Variants in HTR3B observed in about 807,000 individuals in gnomAD.
The protein encoded by HTR3B is 5-hydroxytryptamine (serotonin) receptor 3B, ionotropic.
Under a neutral mutation model 42.8 loss-of-function variants are expected in HTR3B, and 44 were observed. That is an observed-to-expected ratio of 1.03 (90% CI 0.81 to 1.32). HTR3B has a LOEUF of 1.32. HTR3B is among the 40% of genes most tolerant of loss of function. The pLI is 0.00. For synonymous variants in HTR3B, 203 were observed against 209.0 expected (o/e 0.97, Z 0.25); for missense variants, 527 against 536.5 (o/e 0.98, Z 0.17).
At chr11:113,942,098 G>A (rs951651776) in intron 6 of HTR3B, among the ~76,000 whole-genome samples, 1 of 152,116 alleles carries the variant, frequency 6.6e-6, no homozygotes, top group South Asian at 2.1e-4. Flanking sequence ...AGCCAGGCAC[G>A]GTGGCTCACA....
chr11:113,933,483 T>G (rs111804040), intron 6 of HTR3B, among the ~76,000 whole-genome samples: 1 of 150,644 alleles, frequency 6.6e-6, no homozygotes, highest in African/African-American at 2.4e-5. Flanking sequence ...ATTATTGTCC[T>G]ATTTTTTTTT....
chr11:113,945,661 C>T (rs553714967), intron 8 of HTR3B, among the ~76,000 whole-genome samples: 9 of 152,324 alleles, frequency 5.9e-5, no homozygotes, highest in East Asian at 1.9e-4. Flanking sequence ...CTCTCCTGGA[C>T]GGATCTAGCA....
At chr11:113,913,350 ATTTTTTTTTTTTTTTTT>A (rs71063533) in intron 2 of HTR3B, among the ~76,000 whole-genome samples, 16 of 61,524 alleles carry the variant, frequency 2.6e-4, no homozygotes, top group South Asian at 8.3e-4. Flanking sequence ...TGTCTGGCTA[ATTTTTTTTTTTTTTTTT>A]TTTTTTTTTT....
At chr11:113,922,436 G>A (rs915107238) in intron 2 of HTR3B, among the ~76,000 whole-genome samples, 5 of 152,092 alleles carry the variant, frequency 3.3e-5, no homozygotes, top group Admixed American at 1.3e-4. Flanking sequence ...ATTTCGCCAT[G>A]TTGCCCAGGC....
chr11:113,921,482 G>T (rs1426309965), intron 2 of HTR3B, among the ~76,000 whole-genome samples: 2 of 146,672 alleles, frequency 1.4e-5, no homozygotes, highest in African/African-American at 5.1e-5. Flanking sequence ...TGCTGGCCGG[G>T]CGTGGTGGTG....
chr11:113,915,293 T>C (rs924331156), intron 2 of HTR3B, among the ~76,000 whole-genome samples: 25 of 152,296 alleles, frequency 1.6e-4, no homozygotes, highest in African/African-American at 5.8e-4. Context: ...AGCCTCAACC[T>C]CCCATGCTCT....
intron 6 of HTR3B, among the ~76,000 whole-genome samples, chr11:113,936,874 G>C (rs1383142229): frequency 1.3e-5 from 2 of 152,230 alleles, no homozygotes; most frequent in Admixed American, 1.3e-4. Flanking sequence ...GCAATTACAG[G>C]CTAACCTTGG....
At chr11:113,918,658 A>T (rs4938058) in intron 2 of HTR3B, among the ~76,000 whole-genome samples, 1 of 141,334 alleles carries the variant, frequency 7.1e-6, no homozygotes, top group Non-Finnish European at 1.5e-5. Context: ...ATGACAATCT[A>T]TGCATTTTTT....
At chr11:113,912,385 AG>A (rs1949804217) in intron 2 of HTR3B, among the ~76,000 whole-genome samples, 1 of 152,126 alleles carries the variant, frequency 6.6e-6, no homozygotes, top group South Asian at 2.1e-4. Flanking sequence ...CTGGGACTAC[AG>A]GCGTGTGCCA....
intron 6 of HTR3B, among the ~76,000 whole-genome samples, chr11:113,941,457 A>T (rs1171611044): frequency 3.9e-5 from 6 of 152,222 alleles, no homozygotes; most frequent in African/African-American, 1.4e-4. Context: ...GTATAAAAAA[A>T]TGGCAACAAT....
At chr11:113,900,844 AG>A (rs1161083490), upstream of HTR3B, among the ~76,000 whole-genome samples, 1 of 152,092 alleles carries the variant, frequency 6.6e-6, no homozygotes, top group Non-Finnish European at 1.5e-5. Flanking sequence ...AGGGGAAGCA[AG>A]GCAACATCAT....
intron 2 of HTR3B, among the ~76,000 whole-genome samples, chr11:113,911,048 G>T (rs1021744978): frequency 1.4e-5 from 2 of 144,310 alleles, no homozygotes; most frequent in Non-Finnish European, 3.0e-5. Context: ...GGATGGTCTC[G>T]ATCTCCTGAC....
At chr11:113,932,845 C>T (rs771056633) in intron 5 of HTR3B, 91 bp from the exon 6 acceptor site, 33 of 1,334,620 alleles carry the variant, frequency 2.5e-5, no homozygotes, top group African/African-American at 1.3e-4. Context: ...GGCAGGAGAA[C>T]GAGGAAGGAT....
the HTR3B span, among the ~76,000 whole-genome samples, chr11:113,899,226 A>C: frequency 9.2e-5 from 14 of 152,196 alleles, no homozygotes; most frequent in African/African-American, 3.4e-4. Flanking sequence ...AAGGACCGTA[A>C]AATGTGCATT....
intron 6 of HTR3B, among the ~76,000 whole-genome samples, chr11:113,936,088 C>T (rs546593273): frequency 8.3e-4 from 127 of 152,250 alleles, no homozygotes; most frequent in African/African-American, 2.9e-3. Context: ...GCCTGGGACC[C>T]GGCCCAGCAG....
chr11:113,917,518 C>T (rs1341289886), intron 2 of HTR3B, among the ~76,000 whole-genome samples: 1 of 152,020 alleles, frequency 6.6e-6, no homozygotes, highest in African/African-American at 2.4e-5. Flanking sequence ...TGTTGTTTGT[C>T]TATTTCTCTC....
At chr11:113,922,540 G>A (rs887962105) in intron 2 of HTR3B, among the ~76,000 whole-genome samples, 2 of 150,868 alleles carry the variant, frequency 1.3e-5, no homozygotes, top group African/African-American at 4.9e-5. Context: ...AGCCAAGTCT[G>A]TGTTTTTATT....
At chr11:113,925,554 G>A (rs950281016) in intron 2 of HTR3B, among the ~76,000 whole-genome samples, 8 of 150,896 alleles carry the variant, frequency 5.3e-5, no homozygotes, top group African/African-American at 1.7e-4. Flanking sequence ...CTCCCAAGTA[G>A]CTGGGATTAC....
chr11:113,931,992 G>T, intron 4 of HTR3B, 125 bp downstream of exon 4: 1 of 697,586 alleles, frequency 1.4e-6, no homozygotes, highest in East Asian at 2.6e-5. Flanking sequence ...CATATTGTTG[G>T]GAGTATTCAG....
Sources: allele counts gnomAD v4.1 joint callset (sites outside exome capture counted in the v4.1 genomes callset), GRCh38; gene constraint gnomAD v4.1.1; transcripts MANE v1.5; gene names NCBI Gene and HGNC (gene_info 2026-07-23, HGNC 2026-07-21).